Variants in BPIFC observed in about 807,000 individuals in gnomAD.
The protein encoded by BPIFC is BPI fold-containing family C protein.
A neutral mutation model predicts 57.6 loss-of-function variants in BPIFC; 60 were observed. That is an observed-to-expected ratio of 1.04 (90% confidence interval 0.85 to 1.29). BPIFC has a LOEUF of 1.29. Ranked by LOEUF, BPIFC falls within the 50% of genes most tolerant of loss-of-function variation. BPIFC has a pLI of 0.00. For synonymous variants in BPIFC, 243 were observed against 224.5 expected (o/e 1.08, Z -0.74); for missense variants, 581 against 600.5 (o/e 0.97, Z 0.34).
Position 32,435,775 on chromosome 22 carries a change from A to G in BPIFC, c.853T>C (p.Tyr285His). 6.2e-7 allele frequency: 1 copy of G among 1,614,156 alleles called. No homozygotes were observed. Among genetic ancestry groups the G allele is most frequent in the Non-Finnish European group, 8.5e-7 (1 of 1,180,024 alleles). ...NSMLYIGIAE[Y>H]FFKSASFAHF... is the part of the protein sequence containing the mutation. ...GCAAAGGACGCAGATTTAAAGAAATACTCGGCGATTCCAATGTAGAGCATG... is the reference window on the plus strand; with the variant it reads ...GCAAAGGACGCAGATTTAAAGAAATGCTCGGCGATTCCAATGTAGAGCATG... The change falls in exon 10 of 17, where the codon TAT becomes CAT. Residue 285 changes from tyrosine (Y) to histidine (H), a missense_variant. By Grantham distance (83) the Tyr-to-His change is moderately conservative (BLOSUM62 2). Coordinates refer to ENST00000300399, the MANE Select transcript of BPIFC (RefSeq NM_174932.3).
At position 32,424,753 on chromosome 22, in the gene BPIFC, C is replaced by CTTCTTCT. The variant is rs1934004717; in HGVS notation, c.1218-5350_1218-5349insAGAAGAA. ...CCTCTTCTTCTTCCTCTTCTTCTTC[C>CTTCTTCT]TCTTCTTCTTCTTCTTCTTCTTCTT... On this transcript the variant is annotated intron_variant, in intron 13 of 16. Transcript: ENST00000300399. Among the ~76,000 whole-genome samples, 22 of 35,468 alleles carry CTTCTTCT rather than the reference C, an allele frequency of 6.2e-4. 2 individuals carry two copies. The highest frequency in any genetic ancestry group is 2.3e-3 in the African/African-American group (11 of 4,878). The allele number at this position is 35,468 out of a possible 152,430, so 23.3% of individuals were successfully genotyped here.
intron 4 of BPIFC, among the ~76,000 whole-genome samples, chr22:32,452,910 C>A (rs1338605762): frequency 6.6e-6 from 1 of 152,202 alleles, no homozygotes; most frequent in East Asian, 1.9e-4. Context: ...GAGACTATGG[C>A]AGAGATTGTC....
intron 15 of BPIFC, 59 bp from the exon 16 acceptor site, chr22:32,416,050 T>G: frequency 8.6e-7 from 1 of 1,166,262 alleles, no homozygotes; most frequent in Non-Finnish European, 1.2e-6. Context: ...TTTAGCAAGC[T>G]TTTTAGTAAG....
intron 16 of BPIFC, among the ~76,000 whole-genome samples, chr22:32,414,694 A>G (rs1933619553): frequency 6.6e-6 from 1 of 152,012 alleles, no homozygotes; most frequent in Non-Finnish European, 1.5e-5. Context: ...TTGTATTTTT[A>G]GTAGAGACAG....
At chr22:32,416,516 T>C in intron 15 of BPIFC, among the ~76,000 whole-genome samples, 1 of 152,246 alleles carries the variant, frequency 6.6e-6, no homozygotes, top group East Asian at 1.9e-4. Context: ...CCTACAATTA[T>C]GTTCATTTGG....
chr22:32,423,014 G>A (rs2145915129), intron 13 of BPIFC, among the ~76,000 whole-genome samples: 1 of 152,318 alleles, frequency 6.6e-6, no homozygotes, highest in Non-Finnish European at 1.5e-5. Context: ...TAAATGAGCG[G>A]ATGAAGGACA....
intron 12 of BPIFC, among the ~76,000 whole-genome samples, chr22:32,431,917 G>T (rs2145929112): frequency 6.6e-6 from 1 of 152,134 alleles, no homozygotes; most frequent in South Asian, 2.1e-4. Flanking sequence ...CTCCCATCCT[G>T]CCACACATAC....
intron 2 of BPIFC, among the ~76,000 whole-genome samples, chr22:32,457,742 C>T (rs1289471936): frequency 6.6e-6 from 1 of 152,188 alleles, no homozygotes; most frequent in Non-Finnish European, 1.5e-5. Context: ...GAATATGCAT[C>T]CTTCAGGGCC....
intron 13 of BPIFC, among the ~76,000 whole-genome samples, chr22:32,431,108 G>C (rs1934225323): frequency 6.7e-6 from 1 of 148,570 alleles, no homozygotes; most frequent in African/African-American, 2.5e-5. Context: ...TCACACAATG[G>C]TTAACGTCCC....
intron 16 of BPIFC, among the ~76,000 whole-genome samples, chr22:32,414,731 C>A (rs764036495): frequency 9.2e-5 from 14 of 152,088 alleles, no homozygotes; most frequent in Non-Finnish European, 1.6e-4. Flanking sequence ...CCAGGCTGGT[C>A]TCGAACTCCT....
At chr22:32,462,168 CAA>C (rs35716277) in intron 1 of BPIFC, among the ~76,000 whole-genome samples, 4,089 of 53,094 alleles carry the variant, frequency 0.077, 95 homozygotes, top group African/African-American at 0.27. Context: ...GACTCCATCT[CAA>C]AAAAAAAAAA....
intron 10 of BPIFC, among the ~76,000 whole-genome samples, chr22:32,435,334 T>C (rs1270239293): frequency 6.6e-6 from 1 of 152,132 alleles, no homozygotes; most frequent in Non-Finnish European, 1.5e-5. Flanking sequence ...ATATCCAAAA[T>C]TCAAAGTGCC....
At chr22:32,424,785 CTT>C (rs1934015005) in intron 13 of BPIFC, among the ~76,000 whole-genome samples, 4 of 132,584 alleles carry the variant, frequency 3.0e-5, no homozygotes, top group Non-Finnish European at 4.8e-5. Flanking sequence ...TCTTCTTCTT[CTT>C]CCTTTTTTTT....
chr22:32,463,059 G>T (rs966057142), intron 1 of BPIFC, among the ~76,000 whole-genome samples: 7 of 152,066 alleles, frequency 4.6e-5, no homozygotes, highest in Admixed American at 2.0e-4. Flanking sequence ...TTTCTGAAGT[G>T]GTACACTTTG....
In BPIFC at chr22:32,446,799, A is replaced by ACT. The variant is rs1475844567; in HGVS notation, c.374+411_374+412dup. 3 of 985,266 alleles carry ACT rather than the reference A, an allele frequency of 3.0e-6. No homozygotes were observed. The African/African-American group carries it at 5.2e-5, about 17-fold the overall frequency. The allele number at this position is 985,266 out of a possible 1,614,324, so 61.0% of individuals were successfully genotyped here. A position where few individuals can be genotyped will look rare whatever the true frequency, so the allele number is the denominator to read the frequency against. ...TCCAGTTGGGCTCAGGCTTAAGCTGACTACCATTCTTCAACCTCTGTGTGA... is the reference window on the plus strand; with the variant it reads ...TCCAGTTGGGCTCAGGCTTAAGCTGACTCTACCATTCTTCAACCTCTGTGTGA... On this transcript the variant is annotated intron_variant, in intron 5 of 16. Transcript: ENST00000300399.
At chr22:32,422,329 AG>A (rs2145914153) in intron 13 of BPIFC, among the ~76,000 whole-genome samples, 1 of 152,266 alleles carries the variant, frequency 6.6e-6, no homozygotes, top group African/African-American at 2.4e-5. Context: ...CGTTTGTAGA[AG>A]GTAGAGAACA....
At chr22:32,435,448 T>A (rs781724716) in intron 10 of BPIFC, among the ~76,000 whole-genome samples, 6 of 152,170 alleles carry the variant, frequency 3.9e-5, no homozygotes, top group Non-Finnish European at 7.3e-5. Flanking sequence ...CCGGTAAGTA[T>A]ATATAATGCA....
At chr22:32,427,682 T>C (rs902514954) in intron 13 of BPIFC, among the ~76,000 whole-genome samples, 1 of 152,182 alleles carries the variant, frequency 6.6e-6, no homozygotes, top group Non-Finnish European at 1.5e-5. Context: ...CTCACCCTCA[T>C]GCTCTCTGGC....
intron 11 of BPIFC, 131 bp downstream of exon 11, chr22:32,433,587 AT>A (rs1569450677): frequency 1.4e-6 from 1 of 732,164 alleles, no homozygotes; most frequent in Non-Finnish European, 2.4e-6. Context: ...TAGATATTCG[AT>A]TACGAGAAAA....
Sources: gnomAD v4.1 joint callset for allele counts (sites outside exome capture counted in the v4.1 genomes callset) on GRCh38, gnomAD v4.1.1 for gene constraint, MANE v1.5 for transcripts, NCBI Gene and HGNC (gene_info 2026-07-23, HGNC 2026-07-21) for gene names.